The following SPMIP9 variants were observed in gnomAD, a reference collection of about 807,000 sequenced individuals.
The protein encoded by SPMIP9 is protein SPMIP9.
chr2:88,526,866 C>T, the SPMIP9 span, among the ~76,000 whole-genome samples: 78 of 152,200 alleles, frequency 5.1e-4, no homozygotes, highest in African/African-American at 1.9e-3. Flanking sequence ...TGGGATTTCA[C>T]CATCCTGGCC....
chr2:88,529,120 G>A, the SPMIP9 span: 2 of 1,614,090 alleles, frequency 1.2e-6, no homozygotes, highest in South Asian at 2.2e-5. Context: ...CCAACCCCAA[G>A]CTAACAGATG....
chr2:88,525,246 T>C, the SPMIP9 span, among the ~76,000 whole-genome samples: 3 of 152,202 alleles, frequency 2.0e-5, no homozygotes, highest in South Asian at 4.1e-4. Flanking sequence ...AAATGAGCCA[T>C]GATAGGAGCA....
chr2:88,526,032 CA>C, the SPMIP9 span, among the ~76,000 whole-genome samples: 3 of 151,940 alleles, frequency 2.0e-5, no homozygotes, highest in Non-Finnish European at 4.4e-5. Context: ...TTGTAAGGAA[CA>C]AGGAAAGGGT....
chr2:88,525,612 C>T, the SPMIP9 span: 32 of 1,614,010 alleles, frequency 2.0e-5, no homozygotes, highest in South Asian at 3.3e-5. Context: ...CAGAGCAGGG[C>T]TAAACAACTT....
chr2:88,529,157 A>C, the SPMIP9 span: 2 of 1,614,166 alleles, frequency 1.2e-6, no homozygotes, highest in South Asian at 2.2e-5. Context: ...AAGACCCCAC[A>C]TGACTGCCAA....
chr2:88,527,504 T>C, the SPMIP9 span, among the ~76,000 whole-genome samples: 1 of 152,218 alleles, frequency 6.6e-6, no homozygotes, highest in Non-Finnish European at 1.5e-5. Flanking sequence ...TATATGTATA[T>C]ATTCTTTGGT....
At chr2:88,528,418 G>A in the SPMIP9 span, among the ~76,000 whole-genome samples, 28 of 152,114 alleles carry the variant, frequency 1.8e-4, no homozygotes, top group Admixed American at 3.3e-4. Flanking sequence ...GATTACAGGC[G>A]TAAGCCACCA....
the SPMIP9 span, chr2:88,528,930 G>A: frequency 4.3e-6 from 4 of 923,366 alleles, no homozygotes; most frequent in Non-Finnish European, 4.9e-6. Context: ...TACCATTCAA[G>A]GACTAATTTA....
the SPMIP9 span, among the ~76,000 whole-genome samples, chr2:88,527,771 T>C: frequency 2.6e-5 from 4 of 152,332 alleles, no homozygotes; most frequent in East Asian, 7.7e-4. Flanking sequence ...TTCAAGAGTT[T>C]ATCCATTCCA....
chr2:88,526,510 G>A, the SPMIP9 span: 39 of 1,601,790 alleles, frequency 2.4e-5, no homozygotes, highest in Middle Eastern at 1.6e-4. Flanking sequence ...AGGAAGGCAC[G>A]CAAGTCCTGT....
chr2:88,525,796 G>GTT, the SPMIP9 span: 1 of 942,084 alleles, frequency 1.1e-6, no homozygotes, highest in Non-Finnish European at 1.6e-6. Flanking sequence ...GGGTTTTGTG[G>GTT]GTTTTTTTTT....
the SPMIP9 span, among the ~76,000 whole-genome samples, chr2:88,528,595 C>T: frequency 1.4e-4 from 21 of 152,226 alleles, no homozygotes; most frequent in African/African-American, 5.1e-4. Flanking sequence ...TTCAAGATTG[C>T]TTAAAAATCT....
chr2:88,525,644 C>T, the SPMIP9 span: 11 of 1,614,170 alleles, frequency 6.8e-6, no homozygotes, highest in Admixed American at 1.8e-4. Flanking sequence ...GGTCGTTTGC[C>T]ATGGCAGGTG....
chr2:88,529,371 C>A, the SPMIP9 span: 10 of 1,614,040 alleles, frequency 6.2e-6, no homozygotes, highest in African/African-American at 4.0e-5. Flanking sequence ...GCAGAGATGG[C>A]CAAAGGCTAC....
the SPMIP9 span, among the ~76,000 whole-genome samples, chr2:88,526,903 T>C: frequency 1.3e-5 from 2 of 152,124 alleles, no homozygotes; most frequent in African/African-American, 4.8e-5. Context: ...CCTGACCTCG[T>C]GATCCACCTG....
At chr2:88,526,640 C>G in the SPMIP9 span, 5 of 690,334 alleles carry the variant, frequency 7.2e-6, no homozygotes, top group African/African-American at 9.0e-5. Flanking sequence ...GAGATCTTTT[C>G]TGTGCATGTG....
the SPMIP9 span, among the ~76,000 whole-genome samples, chr2:88,527,435 CTCTA>C: frequency 5.8e-4 from 87 of 149,542 alleles, no homozygotes; most frequent in African/African-American, 1.8e-3. Context: ...TGGGGCGAGA[CTCTA>C]TCCCCCCCAA....
chr2:88,528,312 AT>A, the SPMIP9 span, among the ~76,000 whole-genome samples: 1 of 151,692 alleles, frequency 6.6e-6, no homozygotes, highest in Non-Finnish European at 1.5e-5. Context: ...TAATTTTTGT[AT>A]TTTTAGTAGA....
At chr2:88,528,064 C>A in the SPMIP9 span, among the ~76,000 whole-genome samples, 1 of 151,624 alleles carries the variant, frequency 6.6e-6, no homozygotes, top group Non-Finnish European at 1.5e-5. Context: ...GTCTTTTGCT[C>A]ATTTTTCTAC....
Sources: allele counts gnomAD v4.1 joint callset (sites outside exome capture counted in the v4.1 genomes callset), GRCh38; gene constraint gnomAD v4.1.1; transcripts MANE v1.5; gene names NCBI Gene and HGNC (gene_info 2026-07-23, HGNC 2026-07-21).